ABCA13: variants seen among roughly 807,000 people sequenced by gnomAD.
The protein encoded by ABCA13 is ATP binding cassette subfamily A member 13.
A neutral mutation model predicts 478.7 loss-of-function variants in ABCA13; 476 were observed. That is an observed-to-expected ratio of 0.99 (90% confidence interval 0.92 to 1.07). ABCA13 has a LOEUF of 1.07. Ranked by LOEUF, ABCA13 falls within the 50% of genes least tolerant of loss-of-function variation. ABCA13 has a pLI of 0.00. For synonymous variants in ABCA13, 2,252 were observed against 2,158.9 expected, an observed-to-expected ratio of 1.04 and a Z score of -1.20; for missense variants, 6,060 against 5,910.6, an observed-to-expected ratio of 1.03 and a Z score of -0.83.
intron 23 of ABCA13, among the ~76,000 whole-genome samples, chr7:48,300,131 G>A (rs1036222809): frequency 3.9e-5 from 6 of 152,166 alleles, no homozygotes; most frequent in African/African-American, 1.2e-4. Flanking sequence ...GTTTTTAGCA[G>A]CACCATATTA....
rs955797010 is a variant in ABCA13, at chr7:48,388,370, G to A, written c.11473+411G>A. Among the ~76,000 whole-genome samples the A allele has an allele frequency of 3.2e-4, 49 of 152,224 alleles. 1 individual carries two copies. Among genetic ancestry groups the A allele is most frequent in the Non-Finnish European group, 1.3e-4 (9 of 68,044 alleles). ...GTTCTCACCCATGCTGGTTTATTCA[G>A]TGTTCCTGTGTGAGGGAGAATATCA... is the stretch of plus-strand genomic sequence containing the variant. On this transcript the variant is annotated intron_variant, in intron 36 of 61. Transcript: ENST00000435803.
intron 59 of ABCA13, among the ~76,000 whole-genome samples, chr7:48,642,910 A>G (rs1795199636): frequency 6.6e-6 from 1 of 152,188 alleles, no homozygotes; most frequent in Non-Finnish European, 1.5e-5. Context: ...TTTAATCAGT[A>G]CAGACCTTGA....
At chr7:48,471,386 A>G (rs1827476545) in intron 44 of ABCA13, 144 bp from the exon 45 acceptor site, 3 of 715,054 alleles carry the variant, frequency 4.2e-6, no homozygotes, top group Non-Finnish European at 7.0e-6. Context: ...AGCTGTGAAA[A>G]CAAATGTAAG....
intron 52 of ABCA13, among the ~76,000 whole-genome samples, chr7:48,518,594 A>G (rs60530904): frequency 6.6e-6 from 1 of 152,104 alleles, no homozygotes; most frequent in African/African-American, 2.4e-5. Flanking sequence ...ACAAGTAATT[A>G]AAAGCAGCTT....
At chr7:48,262,332 T>A (rs559605901) in intron 15 of ABCA13, among the ~76,000 whole-genome samples, 2 of 151,904 alleles carry the variant, frequency 1.3e-5, no homozygotes, top group South Asian at 2.1e-4. Flanking sequence ...TTAGAATTCA[T>A]TCTTGCTCAA....
In ABCA13 at chr7:48,632,238, G is replaced by A. The variant is rs61259037; in HGVS notation, c.14838-11050G>A. On this transcript the variant is annotated intron_variant, in intron 59 of 61. Transcript: ENST00000435803. ...AGGTCTAGAAGTACTTGTTTTATGA[G>A]TCTGGGTGCTCTTTGGCCATTTTTA... 2.1e-3 allele frequency among the ~76,000 whole-genome samples: 324 copies of A among 152,086 alleles called. 1 individual carries two copies. Among genetic ancestry groups the A allele is most frequent in the African/African-American group, 7.3e-3 (303 of 41,508 alleles).
chr7:48,595,254 TA>T (rs1191091998), intron 58 of ABCA13, among the ~76,000 whole-genome samples: 3 of 152,210 alleles, frequency 2.0e-5, no homozygotes, highest in Non-Finnish European at 1.5e-5. Context: ...ATCACAGAAT[TA>T]AGTTTGTAAT....
At chr7:48,371,396 A>G (rs1336051047) in intron 32 of ABCA13, among the ~76,000 whole-genome samples, 1 of 152,054 alleles carries the variant, frequency 6.6e-6, no homozygotes, top group Non-Finnish European at 1.5e-5. Flanking sequence ...CATGATATTG[A>G]TTCTTCCTAT....
intron 29 of ABCA13, among the ~76,000 whole-genome samples, chr7:48,350,275 C>CT (rs112560282): frequency 1.1e-3 from 165 of 151,832 alleles, no homozygotes; most frequent in African/African-American, 3.7e-3. Flanking sequence ...CAGGTTGGAA[C>CT]TTTTTTTTTC....
chr7:48,566,044 A>G (rs1236099135), intron 55 of ABCA13, among the ~76,000 whole-genome samples: 1 of 152,180 alleles, frequency 6.6e-6, no homozygotes, highest in South Asian at 2.1e-4. Flanking sequence ...TTAAAATACT[A>G]TCTGGAAAGC....
At chr7:48,444,633 C>T (rs891302835) in intron 42 of ABCA13, among the ~76,000 whole-genome samples, 1 of 152,056 alleles carries the variant, frequency 6.6e-6, no homozygotes, top group Admixed American at 6.5e-5. Flanking sequence ...TCTCTTTATT[C>T]TTCTGAGGGG....
Position 48,178,975 on chromosome 7 carries a change from CTAATAATAATAATAATAA to C in ABCA13, c.69+7454_69+7471del, listed in dbSNP as rs369219799. ...ACGTGGCTTCTGTGCAAAACAAAAA[CTAATAATAATAATAATAA>C]TAATAATAATAATAATAATAATAAT... is the stretch of plus-strand genomic sequence containing the variant. On this transcript the variant is annotated intron_variant, in intron 1 of 61. Coordinates refer to ENST00000435803, the MANE Select transcript of ABCA13 (RefSeq NM_152701.5). Among the ~76,000 whole-genome samples the C allele has an allele frequency of 2.5e-4, 36 of 142,074 alleles. No homozygotes were observed. In the South Asian group the frequency reaches 4.5e-3, roughly 18 times the overall value. The allele number at this position is 142,074 out of a possible 152,430, so 93.2% of individuals were successfully genotyped here. A position where few individuals can be genotyped will look rare whatever the true frequency, so the allele number is the denominator to read the frequency against.
intron 20 of ABCA13, among the ~76,000 whole-genome samples, chr7:48,288,668 A>C (rs1798093377): frequency 1.3e-5 from 2 of 152,114 alleles, no homozygotes; most frequent in African/African-American, 4.8e-5. Context: ...GTTAGTTTTT[A>C]AATATTTACC....
chr7:48,607,883 A>AT (rs1278472476), intron 58 of ABCA13, among the ~76,000 whole-genome samples: 2 of 151,850 alleles, frequency 1.3e-5, no homozygotes, highest in African/African-American at 4.8e-5. Flanking sequence ...TCATTTTCTT[A>AT]TTTTTTATTT....
At chr7:48,387,776 C>T in intron 35 of ABCA13, 46 bp from the exon 36 acceptor site, 1 of 1,413,942 alleles carries the variant, frequency 7.1e-7, no homozygotes, top group Non-Finnish European at 9.5e-7. Flanking sequence ...ACAGTACCTT[C>T]ATCTAAATAA....
chr7:48,590,111 C>G (rs1027279677), intron 57 of ABCA13, among the ~76,000 whole-genome samples: 24 of 152,080 alleles, frequency 1.6e-4, no homozygotes, highest in African/African-American at 5.3e-4. Flanking sequence ...CCTTTCTACT[C>G]TCTCTTCCTA....
chr7:48,330,310 C>T (rs2128930437), intron 27 of ABCA13, among the ~76,000 whole-genome samples: 3 of 151,726 alleles, frequency 2.0e-5, no homozygotes, highest in Middle Eastern at 6.9e-3. Context: ...TCCATTCATC[C>T]ATCCATCTAC....
intron 15 of ABCA13, among the ~76,000 whole-genome samples, chr7:48,253,933 G>A (rs1226189238): frequency 6.6e-6 from 1 of 151,358 alleles, no homozygotes; most frequent in Non-Finnish European, 1.5e-5. Flanking sequence ...TTACGTGTGT[G>A]TGTGTCTGTG....
intron 23 of ABCA13, among the ~76,000 whole-genome samples, chr7:48,303,094 T>A (rs573601646): frequency 6.6e-6 from 1 of 152,206 alleles, no homozygotes; most frequent in Admixed American, 6.5e-5. Flanking sequence ...ATCAGTAATA[T>A]TGAGATTTTT....
Sources: gnomAD v4.1 joint callset for allele counts (sites outside exome capture counted in the v4.1 genomes callset) on GRCh38, gnomAD v4.1.1 for gene constraint, MANE v1.5 for transcripts, NCBI Gene and HGNC (gene_info 2026-07-23, HGNC 2026-07-21) for gene names.